PEAR1: variants seen among roughly 807,000 people sequenced by gnomAD.
PEAR1 encodes the protein multiple EGF-like domains protein 12.
PEAR1 carries 113 observed loss-of-function variants against 131.2 expected under a neutral mutation model. The observed-to-expected ratio is 0.86, with a 90% CI of 0.74 to 1.01. The LOEUF (loss-of-function observed/expected upper bound fraction) is 1.01. PEAR1 is among the 50% of genes least tolerant of loss of function. The pLI, the probability that PEAR1 is intolerant of heterozygous loss-of-function variation, is 0.00. For missense variants in PEAR1, 1,408 were observed against 1,391.1 expected (o/e 1.01, Z -0.19); for synonymous variants, 565 against 523.3 (o/e 1.08, Z -1.09).
chr1:156,913,424 C>T lies in PEAR1; in HGVS notation c.2545C>T (p.Pro849Ser), dbSNP rs757993758. The change falls in exon 20 of 23, where the codon CCT (proline) becomes TCT (serine). Residue 849 changes from proline to serine, a missense_variant. Pro to Ser is a moderately conservative substitution (Grantham distance 74, BLOSUM62 -1). Transcript: ENST00000292357. ...PGPLFASLQN[P>S]ERPGGAQGHD... ...CCCGCTCTTTGCCAGCCTGCAGAACCCTGAGCGGCCAGGTGGGGCCCAAGG... is the reference window on the plus strand; with the variant it reads ...CCCGCTCTTTGCCAGCCTGCAGAACTCTGAGCGGCCAGGTGGGGCCCAAGG... The T allele has an allele frequency of 6.2e-7, 1 of 1,613,854 alleles. No homozygotes were observed. The highest frequency in any genetic ancestry group is 1.3e-5 in the African/African-American group (1 of 74,936).
chr1:156,911,035 C>T (rs1651010925), intron 15 of PEAR1, among the ~76,000 whole-genome samples: 1 of 123,794 alleles, frequency 8.1e-6, no homozygotes, highest in Non-Finnish European at 1.7e-5. Context: ...CTCTTGATTT[C>T]TTTTTCTTTC....
chr1:156,905,511 G>T (rs1053367723), intron 4 of PEAR1, 87 bp downstream of exon 4: 2 of 1,201,648 alleles, frequency 1.7e-6, no homozygotes, highest in African/African-American at 3.1e-5. Flanking sequence ...CCCGGCCCCC[G>T]CTAGAATGGG....
At position 156,912,259 on chromosome 1, in the gene PEAR1, G is replaced by A; in HGVS notation, c.1964G>A (p.Gly655Glu). 1 of 1,613,368 alleles carries A rather than the reference G, an allele frequency of 6.2e-7. No homozygotes were observed. Among genetic ancestry groups the A allele is most frequent in the Non-Finnish European group, 8.5e-7 (1 of 1,179,724 alleles). ...GPDCSQPCPP[G>E]HWGENCAQTC... ...ATGTCTCCCGTAGCATGCCCTCCAG[G>A]ACACTGGGGAGAAAACTGTGCCCAG... is the stretch of plus-strand genomic sequence containing the variant. The change falls in exon 16 of 23, where the codon GGA (glycine) becomes GAA (glutamate). Residue 655 changes from glycine to glutamate, a missense_variant. Coordinates refer to ENST00000292357, the MANE Select transcript of PEAR1 (RefSeq NM_001080471.3).
chr1:156,909,755 G>A lies in PEAR1; in HGVS notation c.1416G>A (p.Trp472Ter). The change falls in exon 12 of 23, where the codon TGG becomes TGA. Residue 472 changes from tryptophan (W) to a stop codon, truncating the protein, a stop_gained. Transcript: ENST00000292357. LOFTEE classifies it high-confidence loss of function. Reference protein sequence around the residue: ...IDGECVCKEGWQRGNCSVPCP... With the variant: ...IDGECVCKEG ...CCTACCAGGCCCCTCCTCCAGGTTG[G>A]CAGCGTGGTAACTGCTCTGTGCCCT... The A allele has an allele frequency of 1.3e-6, 2 of 1,599,556 alleles. No individual in the cohort carries two copies. The highest frequency in any genetic ancestry group is 1.7e-6 in the Non-Finnish European group (2 of 1,169,898).
chr1:156,899,388 C>A (rs1649462254), intron 1 of PEAR1, among the ~76,000 whole-genome samples: 1 of 151,842 alleles, frequency 6.6e-6, no homozygotes, highest in Non-Finnish European at 1.5e-5. Flanking sequence ...TTGTCAACCG[C>A]ATCTGGCTTG....
At chr1:156,910,211 C>A (rs753320611) in intron 13 of PEAR1, 23 bp from the exon 14 acceptor site, 2 of 1,609,924 alleles carry the variant, frequency 1.2e-6, no homozygotes, top group East Asian at 4.5e-5. Flanking sequence ...CAGCCAGGCA[C>A]ACCCGACTGC....
At position 156,908,801 on chromosome 1, in the gene PEAR1, G is replaced by T; in HGVS notation, c.1262G>T (p.Gly421Val). ...GGTGGCGTCTGCCAGGCTACCAGCGGCCTCTGTCAGTGCGCGCCGGGTTAC... is the reference window on the plus strand; with the variant it reads ...GGTGGCGTCTGCCAGGCTACCAGCGTCCTCTGTCAGTGCGCGCCGGGTTAC... Reference protein sequence around the residue: ...LHGGVCQATSGLCQCAPGYTG... With the variant: ...LHGGVCQATSVLCQCAPGYTG... Residue 421 changes from glycine (G) to valine (V), a missense_variant, in exon 10 of 23, where the codon GGC becomes GTC. Transcript: ENST00000292357. This position sits in a 1 kb window ranked among gnomAD's most constrained non-coding sequence, Gnocchi z 4.2. 6.2e-7 allele frequency: 1 copy of T among 1,607,038 alleles called. No homozygotes were observed. Among genetic ancestry groups the T allele is most frequent in the South Asian group, 1.1e-5 (1 of 90,936 alleles).
At chr1:156,911,076 T>TCTTTCTTTCTTTC (rs1553269251) in intron 15 of PEAR1, among the ~76,000 whole-genome samples, 6,431 of 104,552 alleles carry the variant, frequency 0.062, 223 homozygotes, top group East Asian at 0.22. Context: ...TTTCTTTCTT[T>TCTTTCTTTCTTTC]CTTTCTTTCT....
At chr1:156,900,077 G>T (rs1332453590) in intron 1 of PEAR1, among the ~76,000 whole-genome samples, 1 of 152,138 alleles carries the variant, frequency 6.6e-6, no homozygotes. Context: ...CCACCAGAGG[G>T]AACCAGCTGA....
At chr1:156,911,118 CTTT>C in intron 15 of PEAR1, among the ~76,000 whole-genome samples, 1 of 90,900 alleles carries the variant, frequency 1.1e-5, no homozygotes, top group African/African-American at 5.2e-5. Flanking sequence ...TTTCTTTCTT[CTTT>C]CTTTCTTTCC....
In PEAR1 at chr1:156,908,260, C is replaced by G; in HGVS notation, c.1035C>G (p.Cys345Trp). ...LCEHGFTGDRCTDRLCPDGFY... is the reference protein window; with the variant it reads ...LCEHGFTGDRWTDRLCPDGFY... ...AACACGGCTTCACTGGGGACCGCTGCACGGATCGCCTCTGCCCCGACGGCT... is the reference window on the plus strand; with the variant it reads ...AACACGGCTTCACTGGGGACCGCTGGACGGATCGCCTCTGCCCCGACGGCT... Residue 345 changes from cysteine (C) to tryptophan (W), a missense_variant, in exon 9 of 23, where the codon TGC becomes TGG. Transcript: ENST00000292357. This position sits in a 1 kb window ranked among gnomAD's most constrained non-coding sequence, Gnocchi z 4.2. 6.3e-7 allele frequency: 1 copy of G among 1,594,346 alleles called. No homozygotes were observed. Among genetic ancestry groups the G allele is most frequent in the Non-Finnish European group, 8.5e-7 (1 of 1,174,970 alleles).
chr1:156,905,302 G>T (rs1470109736), intron 3 of PEAR1, 22 bp from the exon 4 acceptor site: 1 of 1,607,038 alleles, frequency 6.2e-7, no homozygotes, highest in Non-Finnish European at 8.5e-7. Flanking sequence ...AGGGCTGAGG[G>T]CCGCCTTCCT....
rs1254867192 is a variant in PEAR1, at chr1:156,902,451, G to C, written c.-9-1467G>C. ...GGTGGGCCAGCATCCTGGATGAAAG[G>C]CTGGAGATTTGGCTGCTGGAGGGTT... is the stretch of plus-strand genomic sequence containing the variant. On this transcript the variant is annotated intron_variant, in intron 1 of 22. Transcript: ENST00000292357. This position sits in a 1 kb window ranked among gnomAD's most constrained non-coding sequence, Gnocchi z 4.3. 6.6e-6 allele frequency among the ~76,000 whole-genome samples: 1 copy of C among 152,144 alleles called. No individual in the cohort carries two copies. The highest frequency in any genetic ancestry group is 1.5e-5 in the Non-Finnish European group (1 of 68,030).
In PEAR1 at chr1:156,915,051, G is replaced by A. The variant is rs1439676011; in HGVS notation, c.*253G>A. On this transcript the variant is annotated 3_prime_UTR_variant, in exon 23 of 23. Coordinates refer to ENST00000292357, the MANE Select transcript of PEAR1 (RefSeq NM_001080471.3). ...CTCCAGGGCCCTGTGTACATAAACTGGTGGGTTGGAAGTTGCTGGGTAACT... is the reference window on the plus strand; with the variant it reads ...CTCCAGGGCCCTGTGTACATAAACTAGTGGGTTGGAAGTTGCTGGGTAACT... 1 of 447,256 alleles carries A rather than the reference G, an allele frequency of 2.2e-6. No individual in the cohort carries two copies. The highest frequency in any genetic ancestry group is 2.0e-5 in the African/African-American group (1 of 49,594). The allele number at this position is 447,256 out of a possible 1,614,324, so 27.7% of individuals were successfully genotyped here. A position where few individuals can be genotyped will look rare whatever the true frequency, so the allele number is the denominator to read the frequency against.
intron 4 of PEAR1, 36 bp downstream of exon 4, chr1:156,905,460 C>T (rs1469475933): frequency 6.5e-7 from 1 of 1,542,314 alleles, no homozygotes; most frequent in Non-Finnish European, 8.8e-7. Flanking sequence ...CGGGGTGGGG[C>T]AATGGAATGC....
At chr1:156,905,641 A>G (rs894061236) in intron 4 of PEAR1, among the ~76,000 whole-genome samples, 1 of 151,330 alleles carries the variant, frequency 6.6e-6, no homozygotes, top group Non-Finnish European at 1.5e-5. Flanking sequence ...AGCCGGCCCC[A>G]TGTGTCTCCC....
intron 1 of PEAR1, among the ~76,000 whole-genome samples, chr1:156,900,344 C>T (rs1423281947): frequency 6.6e-6 from 1 of 151,824 alleles, no homozygotes; most frequent in Non-Finnish European, 1.5e-5. Flanking sequence ...TGTCCAATCC[C>T]CTGGCAGCTC....
chr1:156,906,697 G>C lies in PEAR1; in HGVS notation c.461G>C (p.Ser154Thr). The C allele has an allele frequency of 6.2e-7, 1 of 1,614,148 alleles. No homozygotes were observed. The highest frequency in any genetic ancestry group is 8.5e-7 in the Non-Finnish European group (1 of 1,179,982). ...CDKPCSCGNNSSCDPKSGVCS... is the reference protein window; with the variant it reads ...CDKPCSCGNNTSCDPKSGVCS... ...AAGCCCTGCAGCTGCGGCAACAACAGCTCGTGTGATCCCAAGAGTGGGGTA... is the reference window on the plus strand; with the variant it reads ...AAGCCCTGCAGCTGCGGCAACAACACCTCGTGTGATCCCAAGAGTGGGGTA... The change falls in exon 6 of 23, where the codon AGC becomes ACC. Residue 154 changes from serine to threonine, a missense_variant. Physicochemically the swap from Ser to Thr is moderately conservative, Grantham distance 58 (BLOSUM62 1). Coordinates refer to ENST00000292357, the MANE Select transcript of PEAR1 (RefSeq NM_001080471.3).
intron 1 of PEAR1, among the ~76,000 whole-genome samples, chr1:156,897,754 G>T (rs1229063151): frequency 6.6e-6 from 1 of 152,258 alleles, no homozygotes; most frequent in Non-Finnish European, 1.5e-5. Context: ...TTGAGGCTGT[G>T]TAGAACCTGG....
Sources: gnomAD v4.1 joint callset for allele counts (sites outside exome capture counted in the v4.1 genomes callset) on GRCh38, gnomAD v4.1.1 for gene constraint, Gnocchi (gnomAD v3.1) non-coding constraint, MANE v1.5 for transcripts, NCBI Gene and HGNC (gene_info 2026-07-23, HGNC 2026-07-21) for gene names.